The following OR4M1 variants were observed in gnomAD, a reference collection of about 807,000 sequenced individuals.
The protein encoded by OR4M1 is olfactory receptor family 4 subfamily M member 1, also known as olfactory receptor 4M1.
Under a neutral mutation model 9.8 loss-of-function variants are expected in OR4M1, and 7 were observed. The ratio of observed to expected loss-of-function variants is 0.71; its 90% CI spans 0.41 to 1.34. The LOEUF (loss-of-function observed/expected upper bound fraction) is 1.34, where lower values mean the gene tolerates loss of function less well. Among genes scored for constraint, OR4M1 ranks in the 40% most tolerant of loss-of-function variants. The pLI, the probability that OR4M1 is intolerant of heterozygous loss-of-function variation, is 0.01. For synonymous variants in OR4M1, 121 were observed against 139.8 expected (o/e 0.87, Z 0.95); for missense variants, 331 against 380.4 (o/e 0.87, Z 1.08).
chr14:19,776,750 A>T (rs1451285733), intron 1 of OR4M1, among the ~76,000 whole-genome samples: 1 of 152,120 alleles, frequency 6.6e-6, no homozygotes, highest in East Asian at 1.9e-4. Context: ...GTTACAGTGC[A>T]TACCCAAGTA....
In OR4M1 at chr14:19,777,005, G is replaced by A. The variant is rs868101375; in HGVS notation, c.-29-3289G>A. Among the ~76,000 whole-genome samples the A allele has an allele frequency of 8.2e-5, 3 of 36,756 alleles. No homozygotes were observed. The South Asian group carries it at 2.3e-3, about 28-fold the overall frequency. 24.1% of individuals were successfully genotyped at this position (36,756 alleles called of 152,430 possible). A position where few individuals can be genotyped will look rare whatever the true frequency, so the allele number is the denominator to read the frequency against. On this transcript the variant is annotated intron_variant, in intron 1 of 1. Coordinates refer to ENST00000641200, the MANE Select transcript of OR4M1 (RefSeq NM_001005500.2). ...AAATAGTTATTGCTGTATTGTTTAA[G>A]CCATATATATATATATATATATATA...
intron 1 of OR4M1, among the ~76,000 whole-genome samples, chr14:19,775,842 A>T (rs1206729676): frequency 3.3e-5 from 5 of 149,308 alleles, no homozygotes. Context: ...AAGAGAAATA[A>T]GCAGCAAATG....
intron 1 of OR4M1, among the ~76,000 whole-genome samples, chr14:19,774,259 A>G (rs1023641107): frequency 6.6e-6 from 1 of 152,268 alleles, no homozygotes; most frequent in African/African-American, 2.4e-5. Context: ...GGAATTATGT[A>G]ACAGGGTAGG....
At chr14:19,779,054 C>A (rs1303709321) in intron 1 of OR4M1, among the ~76,000 whole-genome samples, 3 of 152,102 alleles carry the variant, frequency 2.0e-5, no homozygotes, top group African/African-American at 7.2e-5. Context: ...GTAAGCCATC[C>A]CTTCTTCAAA....
chr14:19,779,633 T>A (rs374172653), intron 1 of OR4M1, among the ~76,000 whole-genome samples: 2 of 152,242 alleles, frequency 1.3e-5, no homozygotes, highest in East Asian at 3.8e-4. Flanking sequence ...AATTTCATAC[T>A]CAATGTAGTA....
chr14:19,777,781 G>A (rs1878354825), intron 1 of OR4M1, among the ~76,000 whole-genome samples: 1 of 152,332 alleles, frequency 6.6e-6, no homozygotes, highest in East Asian at 1.9e-4. Flanking sequence ...GGACAGAATA[G>A]GAATTGTTGC....
intron 1 of OR4M1, among the ~76,000 whole-genome samples, chr14:19,780,089 C>A (rs1359100211): frequency 6.6e-6 from 1 of 152,200 alleles, no homozygotes; most frequent in East Asian, 1.9e-4. Flanking sequence ...CAAATATATG[C>A]CACACTTCAT....
chr14:19,780,894 A>T lies in OR4M1; in HGVS notation c.572A>T (p.Asn191Ile). Residue 191 changes from asparagine to isoleucine, a missense_variant, in exon 2 of 2, where the codon AAC becomes ATC. Asn to Ile is a moderately radical substitution (Grantham distance 149, BLOSUM62 -3). This residue lies in a region of OR4M1 where 122 missense variants were observed against 180.5 expected (regional missense o/e 0.68). Transcript: ENST00000641200. ...ITQVVRIACA[N>I]TFPEELVMIC... ...CAGGTTGTCCGGATTGCCTGTGCCA[A>T]CACCTTCCCAGAGGAGTTAGTGATG... 4 of 1,614,046 alleles carry T rather than the reference A, an allele frequency of 2.5e-6. No individual in the cohort carries two copies. The highest frequency in any genetic ancestry group is 3.4e-6 in the Non-Finnish European group (4 of 1,179,990).
At chr14:19,774,149 G>C (rs1326042662) in intron 1 of OR4M1, among the ~76,000 whole-genome samples, 1 of 152,128 alleles carries the variant, frequency 6.6e-6, no homozygotes, top group Non-Finnish European at 1.5e-5. Context: ...AAAATAAATA[G>C]AAAAGCAAAA....
intron 1 of OR4M1, among the ~76,000 whole-genome samples, chr14:19,777,007 CATAT>C (rs71431978): frequency 0.012 from 542 of 45,842 alleles, 1 homozygote; most frequent in Middle Eastern, 0.031. Context: ...TTGTTTAAGC[CATAT>C]ATATATATAT....
intron 1 of OR4M1, among the ~76,000 whole-genome samples, chr14:19,779,337 T>C (rs1387406826): frequency 6.6e-6 from 1 of 152,234 alleles, no homozygotes; most frequent in Admixed American, 6.5e-5. Flanking sequence ...TCTCTTGTAT[T>C]TGCTGTTGGT....
Position 19,780,416 on chromosome 14 carries a change from C to G in OR4M1, c.94C>G (p.Leu32Val), listed in dbSNP as rs1413835479. 1 of 1,614,142 alleles carries G rather than the reference C, an allele frequency of 6.2e-7. No individual in the cohort carries two copies. Among genetic ancestry groups the G allele is most frequent in the African/African-American group, 1.3e-5 (1 of 75,040 alleles). ...EVQLVLFVIF[L>V]SFYLFILPGN... ...CCAACTAGTCCTATTTGTTATATTT[C>G]TATCCTTCTATTTGTTCATCCTACC... Residue 32 changes from leucine (L) to valine (V), a missense_variant, in exon 2 of 2, where the codon CTA (leucine) becomes GTA (valine). Leu to Val is a conservative substitution (Grantham distance 32). Transcript: ENST00000641200.
At chr14:19,774,931 A>C (rs1003059489) in intron 1 of OR4M1, among the ~76,000 whole-genome samples, 1 of 152,188 alleles carries the variant, frequency 6.6e-6, no homozygotes, top group Non-Finnish European at 1.5e-5. Flanking sequence ...TAGCTCCCCA[A>C]CCTACGGAAT....
At chr14:19,774,751 T>C (rs1048274750) in intron 1 of OR4M1, among the ~76,000 whole-genome samples, 6 of 152,208 alleles carry the variant, frequency 3.9e-5, no homozygotes, top group Non-Finnish European at 5.9e-5. Flanking sequence ...GGGACCATTA[T>C]ATGCATTAAT....
At chr14:19,779,164 C>A (rs534725492) in intron 1 of OR4M1, among the ~76,000 whole-genome samples, 1 of 152,282 alleles carries the variant, frequency 6.6e-6, no homozygotes, top group South Asian at 2.1e-4. Context: ...CATTTAATTT[C>A]TTTTCTCAGT....
chr14:19,776,439 T>A (rs967569309), intron 1 of OR4M1, among the ~76,000 whole-genome samples: 2 of 152,242 alleles, frequency 1.3e-5, no homozygotes, highest in Non-Finnish European at 2.9e-5. Flanking sequence ...ATAGTCACCC[T>A]CTAGGTACTA....
At chr14:19,778,929 A>C (rs1462412266) in intron 1 of OR4M1, among the ~76,000 whole-genome samples, 5 of 152,218 alleles carry the variant, frequency 3.3e-5, no homozygotes, top group Non-Finnish European at 7.3e-5. Context: ...GGGGAAATTG[A>C]TCCCTTTTCT....
chr14:19,780,672 T>C lies in OR4M1; in HGVS notation c.350T>C (p.Val117Ala). 1 of 1,614,262 alleles carries C rather than the reference T, an allele frequency of 6.2e-7. No homozygotes were observed. The highest frequency in any genetic ancestry group is 2.2e-5 in the East Asian group (1 of 44,896). Residue 117 changes from valine to alanine, a missense_variant, in exon 2 of 2, where the codon GTG becomes GCG. Physicochemically the swap from Val to Ala is moderately conservative, Grantham distance 64. Coordinates refer to ENST00000641200, the MANE Select transcript of OR4M1 (RefSeq NM_001005500.2). ...GCTTCGGAGATGTTCTTGCTCACAG[T>C]GATGGCCTATGACCGCTATGCTGCT... ...VGASEMFLLT[V>A]MAYDRYAAIC...
At chr14:19,777,881 ATG>A (rs57894000) in intron 1 of OR4M1, among the ~76,000 whole-genome samples, 15 of 150,570 alleles carry the variant, frequency 1.0e-4, no homozygotes, top group South Asian at 2.1e-4. Context: ...GTGTAGTGGT[ATG>A]TGTGTGTGTG....
Sources: allele counts gnomAD v4.1 joint callset (sites outside exome capture counted in the v4.1 genomes callset), GRCh38; gene constraint gnomAD v4.1.1; regional missense constraint gnomAD v4.1.1; transcripts MANE v1.5; gene names NCBI Gene and HGNC (gene_info 2026-07-23, HGNC 2026-07-21).